Variants in RUNX1 observed in about 807,000 individuals in gnomAD.
RUNX1 encodes runt-related transcription factor 1.
In RUNX1, 19 loss-of-function variants were observed where a neutral mutation model predicts 42.8. The observed-to-expected ratio is 0.44, with a 90% CI of 0.31 to 0.65. The LOEUF (loss-of-function observed/expected upper bound fraction) is 0.65. RUNX1 is among the 30% of genes least tolerant of loss of function. RUNX1 has a pLI of 0.07. For missense variants in RUNX1, 528 were observed against 672.0 expected, an observed-to-expected ratio of 0.79 and a Z score of 2.37; for synonymous variants, 271 against 289.4, an observed-to-expected ratio of 0.94 and a Z score of 0.64.
intron 5 of RUNX1, among the ~76,000 whole-genome samples, chr21:34,878,183 AAG>A (rs1307225537): frequency 2.7e-5 from 4 of 146,400 alleles, no homozygotes; most frequent in Non-Finnish European, 4.5e-5. Context: ...AAAAAAAAAA[AAG>A]AAGAAGAAGG....
intron 2 of RUNX1, among the ~76,000 whole-genome samples, chr21:34,930,928 C>T (rs1233113522): frequency 6.6e-6 from 1 of 152,078 alleles, no homozygotes; most frequent in Non-Finnish European, 1.5e-5. Context: ...GTTGAATCTG[C>T]CAGGCAACTC....
chr21:34,922,883 C>T (rs901533819), intron 2 of RUNX1, among the ~76,000 whole-genome samples: 7 of 152,146 alleles, frequency 4.6e-5, no homozygotes, highest in South Asian at 2.1e-4. Flanking sequence ...ATTGATTGAG[C>T]GCTTATACTA....
Position 34,792,225 on chromosome 21 carries a change from G to A in RUNX1, c.1353C>T (p.Asp451=), listed in dbSNP as rs755054505. The change falls in exon 9 of 9, where the codon GAC becomes GAT. Residue 451 remains aspartate, a synonymous_variant. Coordinates refer to ENST00000675419, the MANE Select transcript of RUNX1 (RefSeq NM_001754.5). This position sits in a 1 kb window ranked among gnomAD's most constrained non-coding sequence, Gnocchi z 6.9. ...TGTGGCTGCCCTCGGCCTCCACCAC[G>A]TCGCTCTGGTTCGGGAGGCTGGGGT... ...LLNPSLPNQS[D]VVEAEGSHSN... The A allele has an allele frequency of 1.3e-6, 2 of 1,540,200 alleles. No homozygotes were observed. The highest frequency in any genetic ancestry group is 1.7e-6 in the Non-Finnish European group (2 of 1,149,166).
At chr21:34,944,378 C>A (rs752517734) in intron 2 of RUNX1, among the ~76,000 whole-genome samples, 2 of 152,204 alleles carry the variant, frequency 1.3e-5, no homozygotes, top group African/African-American at 4.8e-5. Context: ...CTGAATTACA[C>A]AGGAATCTGG....
At chr21:34,958,871 TA>T (rs1381918856) in intron 2 of RUNX1, among the ~76,000 whole-genome samples, 3 of 151,894 alleles carry the variant, frequency 2.0e-5, no homozygotes, top group Non-Finnish European at 2.9e-5. Context: ...TATGCAGCCA[TA>T]AAAAAGGATG....
intron 2 of RUNX1, among the ~76,000 whole-genome samples, chr21:35,022,177 G>C (rs868383831): frequency 2.0e-5 from 3 of 152,198 alleles, no homozygotes; most frequent in African/African-American, 4.8e-5. Flanking sequence ...TGGCGGTTCC[G>C]TGGTTTACCA....
intron 2 of RUNX1, among the ~76,000 whole-genome samples, chr21:34,933,972 G>C (rs2058466569): frequency 6.6e-6 from 1 of 152,198 alleles, no homozygotes; most frequent in African/African-American, 2.4e-5. Context: ...GGGGGTTCCA[G>C]GTAACAACTT....
chr21:34,859,194 G>T (rs1486637407), intron 6 of RUNX1: 1 of 484,190 alleles, frequency 2.1e-6, no homozygotes, highest in Non-Finnish European at 3.8e-6. Flanking sequence ...TGAGGAAGCA[G>T]TCCTTAGTTT....
chr21:34,964,098 G>A (rs1376286525), intron 2 of RUNX1, among the ~76,000 whole-genome samples: 1 of 152,142 alleles, frequency 6.6e-6, no homozygotes, highest in African/African-American at 2.4e-5. Flanking sequence ...TGGGGGATAC[G>A]TGCTGACCAC....
intron 2 of RUNX1, among the ~76,000 whole-genome samples, chr21:34,967,319 CAAAAAAAAAAAAAAAAAA>C (rs398036394): frequency 1.3e-3 from 21 of 15,644 alleles, no homozygotes; most frequent in South Asian, 3.5e-3. Flanking sequence ...GACTCGGTCT[CAAAAAAAAAAAAAAAAAA>C]AAAAAAAAAA....
At chr21:34,940,001 A>G (rs1024923848) in intron 2 of RUNX1, among the ~76,000 whole-genome samples, 3 of 152,200 alleles carry the variant, frequency 2.0e-5, no homozygotes, top group Non-Finnish European at 4.4e-5. Context: ...CATGATTGCA[A>G]TGATGAGGCT....
chr21:35,007,751 A>G (rs2834726), intron 2 of RUNX1, among the ~76,000 whole-genome samples: 8,554 of 151,538 alleles, frequency 0.056, 326 homozygotes, highest in Non-Finnish European at 0.087. Flanking sequence ...CAGGCCCTTT[A>G]TTTTGTGATA....
At chr21:34,902,477 T>C (rs536701274) in intron 2 of RUNX1, among the ~76,000 whole-genome samples, 8 of 152,284 alleles carry the variant, frequency 5.3e-5, no homozygotes, top group African/African-American at 1.9e-4. Context: ...AAGACATCAA[T>C]ATATATTATA....
At chr21:34,841,470 C>T (rs2057233636) in intron 6 of RUNX1, among the ~76,000 whole-genome samples, 1 of 152,150 alleles carries the variant, frequency 6.6e-6, no homozygotes. Context: ...TCTGGGCCTT[C>T]CCGAACCATG....
chr21:34,875,126 A>G (rs1340818316), intron 5 of RUNX1, among the ~76,000 whole-genome samples: 1 of 152,262 alleles, frequency 6.6e-6, no homozygotes, highest in Non-Finnish European at 1.5e-5. Flanking sequence ...AAAACTATGA[A>G]GGGATCAACT....
At chr21:34,847,449 A>C (rs773368619) in intron 6 of RUNX1, among the ~76,000 whole-genome samples, 24 of 150,634 alleles carry the variant, frequency 1.6e-4, no homozygotes, top group Non-Finnish European at 3.0e-4. Flanking sequence ...AAAATCCCTA[A>C]GATTTTAATA....
chr21:34,882,813 T>C (rs139668188), intron 4 of RUNX1, among the ~76,000 whole-genome samples: 1 of 152,188 alleles, frequency 6.6e-6, no homozygotes, highest in Non-Finnish European at 1.5e-5. Flanking sequence ...TAGCTCACAG[T>C]GTTGAAATGC....
intron 2 of RUNX1, among the ~76,000 whole-genome samples, chr21:35,017,553 A>G (rs2059168362): frequency 6.6e-6 from 1 of 152,148 alleles, no homozygotes; most frequent in Non-Finnish European, 1.5e-5. Flanking sequence ...CCTGAGGTCT[A>G]CTTTTCAGGC....
intron 2 of RUNX1, among the ~76,000 whole-genome samples, chr21:35,046,764 A>T (rs756154754): frequency 3.3e-5 from 5 of 152,184 alleles, no homozygotes; most frequent in Non-Finnish European, 7.3e-5. Flanking sequence ...GCCCTCTGAC[A>T]TCAAATCTCA....
Sources: allele counts gnomAD v4.1 joint callset (sites outside exome capture counted in the v4.1 genomes callset), GRCh38; gene constraint gnomAD v4.1.1; non-coding constraint Gnocchi (gnomAD v3.1); transcripts MANE v1.5; gene names NCBI Gene and HGNC (gene_info 2026-07-23, HGNC 2026-07-21).